The following KIAA0232 variants were observed in gnomAD, a reference collection of about 807,000 sequenced individuals.
KIAA0232 encodes the protein uncharacterized protein KIAA0232.
A neutral mutation model predicts 122.0 loss-of-function variants in KIAA0232; 27 were observed. That is an observed-to-expected ratio of 0.22 (90% confidence interval 0.16 to 0.31). The LOEUF (loss-of-function observed/expected upper bound fraction) is 0.31. Among genes scored for constraint, KIAA0232 ranks in the 10% least tolerant of loss-of-function variants. The pLI, the probability that KIAA0232 is intolerant of heterozygous loss-of-function variation, is 1.00. For synonymous variants in KIAA0232, 613 were observed against 587.6 expected, an observed-to-expected ratio of 1.04 and a Z score of -0.63; for missense variants, 1,551 against 1,634.2, an observed-to-expected ratio of 0.95 and a Z score of 0.88.
chr4:6,862,829 A>C lies in KIAA0232; in HGVS notation c.2447A>C (p.His816Pro), dbSNP rs200779052. The change falls in exon 7 of 10, where the codon CAT (histidine) becomes CCT (proline). Residue 816 changes from histidine to proline, a missense_variant. Around this residue, in one of 5 missense-constraint regions of KIAA0232, gnomAD observed 1,108 missense variants for 1,154.8 expected, o/e 0.96. Coordinates refer to ENST00000307659, the MANE Select transcript of KIAA0232 (RefSeq NM_014743.3). ...ACACAAGTATGTAATGAAAGTCCAC[A>C]TGGAGATGGCTACAGCTCAGGGGTT... ...ETTQVCNESPHGDGYSSGVIK... is the reference protein window; with the variant it reads ...ETTQVCNESPPGDGYSSGVIK... 5.5e-4 allele frequency: 892 copies of C among 1,614,094 alleles called. No individual in the cohort carries two copies. The highest frequency in any genetic ancestry group is 7.1e-4 in the Non-Finnish European group (838 of 1,180,050).
intron 4 of KIAA0232, among the ~76,000 whole-genome samples, chr4:6,851,141 C>T (rs910379400): frequency 2.0e-5 from 3 of 152,188 alleles, no homozygotes; most frequent in Non-Finnish European, 4.4e-5. Context: ...TATACTTAAA[C>T]TTTTCTTATA....
intron 7 of KIAA0232, among the ~76,000 whole-genome samples, chr4:6,867,712 G>A (rs1304944546): frequency 6.6e-6 from 1 of 152,190 alleles, no homozygotes; most frequent in Non-Finnish European, 1.5e-5. Context: ...GGTCATGCTG[G>A]TGATGTGCCA....
intron 2 of KIAA0232, among the ~76,000 whole-genome samples, chr4:6,806,684 A>G (rs1474964847): frequency 3.3e-5 from 5 of 149,498 alleles, no homozygotes; most frequent in African/African-American, 1.2e-4. Context: ...CAGTGAGCCA[A>G]GATCATGCCA....
chr4:6,820,901 A>C (rs1718392649), intron 2 of KIAA0232, among the ~76,000 whole-genome samples: 1 of 152,188 alleles, frequency 6.6e-6, no homozygotes. Context: ...GCCTGTAGTG[A>C]GGGTCATGCC....
intron 3 of KIAA0232, among the ~76,000 whole-genome samples, chr4:6,837,257 C>T (rs1719355845): frequency 6.6e-6 from 1 of 151,374 alleles, no homozygotes; most frequent in African/African-American, 2.4e-5. Context: ...CACAGACGCT[C>T]CTCACCTCCC....
At chr4:6,879,812 C>CAGGTCTGCAGTGTCCCCTCA (rs1491097861) in intron 9 of KIAA0232, among the ~76,000 whole-genome samples, 1 of 108,410 alleles carries the variant, frequency 9.2e-6, no homozygotes, top group Non-Finnish European at 2.0e-5. Flanking sequence ...TCCCAACACA[C>CAGGTCTGCAGTGTCCCCTCA]CCATCTGCAG....
At chr4:6,814,867 A>G (rs981542958) in intron 2 of KIAA0232, among the ~76,000 whole-genome samples, 4 of 152,178 alleles carry the variant, frequency 2.6e-5, no homozygotes, top group African/African-American at 7.2e-5. Flanking sequence ...TTGTTTTTAC[A>G]TTTTTAATAG....
At position 6,862,216 on chromosome 4, in the gene KIAA0232, G is replaced by T. The variant is rs780286719; in HGVS notation, c.1834G>T (p.Val612Phe). ...DGESFGGDSP[V>F]RLSPILDSTV... The stretch of plus-strand genomic sequence containing the variant: ...GGAGAGTTTTGGAGGAGACTCTCCA[G>T]TTAGACTCTCTCCCATCTTAGACAG... The change falls in exon 7 of 10, where the codon GTT becomes TTT. Residue 612 changes from valine (V) to phenylalanine (F), a missense_variant. Around this residue, in one of 5 missense-constraint regions of KIAA0232, gnomAD observed 1,108 missense variants for 1,154.8 expected, o/e 0.96. Coordinates refer to ENST00000307659, the MANE Select transcript of KIAA0232 (RefSeq NM_014743.3). 3 of 1,614,156 alleles carry T rather than the reference G, an allele frequency of 1.9e-6. No homozygotes were observed. In the South Asian group the frequency reaches 3.3e-5, roughly 18 times the overall value.
At position 6,789,599 on chromosome 4, in the gene KIAA0232, C is replaced by T. The variant is rs141876320; in HGVS notation, c.-354+6758C>T. Among the ~76,000 whole-genome samples the T allele has an allele frequency of 7.2e-3, 1,100 of 152,214 alleles. 11 individuals are homozygous for T. The highest frequency in any genetic ancestry group is 0.024 in the African/African-American group (1,001 of 41,530). On this transcript the variant is annotated intron_variant, in intron 1 of 9. Coordinates refer to ENST00000307659, the MANE Select transcript of KIAA0232 (RefSeq NM_014743.3). ...TCATCTCATTTTCAACTTGCATCTACGTTCTTTCATTAATTTTGTGACTGA... is the reference window on the plus strand; with the variant it reads ...TCATCTCATTTTCAACTTGCATCTATGTTCTTTCATTAATTTTGTGACTGA...
At chr4:6,808,346 T>C (rs1002932891) in intron 2 of KIAA0232, among the ~76,000 whole-genome samples, 4 of 151,418 alleles carry the variant, frequency 2.6e-5, no homozygotes, top group African/African-American at 9.7e-5. Flanking sequence ...TGAATAATTA[T>C]GAAAAGACAG....
intron 2 of KIAA0232, among the ~76,000 whole-genome samples, chr4:6,812,743 C>T (rs964743913): frequency 2.0e-5 from 3 of 151,922 alleles, no homozygotes; most frequent in African/African-American, 7.2e-5. Context: ...GATTTTTCTC[C>T]ACAAGGTCCA....
Position 6,862,506 on chromosome 4 carries a change from A to G in KIAA0232, c.2124A>G (p.Thr708=), listed in dbSNP as rs1259672754. ...EENEHCSNLS[T]RTCSPWSHSE... Reference sequence around the variant, plus strand: ...ATGAACACTGTTCTAATCTTTCAACAAGAACTTGTAGTCCATGGTCCCATT... The same window carrying G: ...ATGAACACTGTTCTAATCTTTCAACGAGAACTTGTAGTCCATGGTCCCATT... Residue 708 remains threonine (T), a synonymous_variant, in exon 7 of 10, where the codon ACA becomes ACG. Coordinates refer to ENST00000307659, the MANE Select transcript of KIAA0232 (RefSeq NM_014743.3). The G allele has an allele frequency of 6.2e-7, 1 of 1,613,826 alleles. No individual in the cohort carries two copies. Among genetic ancestry groups the G allele is most frequent in the African/African-American group, 1.3e-5 (1 of 74,942 alleles).
At chr4:6,800,659 C>A (rs555671524) in intron 1 of KIAA0232, among the ~76,000 whole-genome samples, 8 of 149,796 alleles carry the variant, frequency 5.3e-5, no homozygotes, top group African/African-American at 1.7e-4. Flanking sequence ...GCAGCCTGGG[C>A]GACAGAGGGA....
chr4:6,850,837 T>C (rs1438835602), intron 4 of KIAA0232, among the ~76,000 whole-genome samples: 2 of 152,134 alleles, frequency 1.3e-5, no homozygotes, highest in African/African-American at 4.8e-5. Context: ...GCCCAGCTAA[T>C]TTTTGTATTC....
intron 2 of KIAA0232, among the ~76,000 whole-genome samples, chr4:6,814,655 T>A (rs1301338321): frequency 4.6e-5 from 7 of 152,102 alleles, no homozygotes; most frequent in African/African-American, 1.7e-4. Flanking sequence ...CAGTATACAT[T>A]ATTCTGTTTT....
Position 6,862,295 on chromosome 4 carries a change from T to C in KIAA0232, c.1913T>C (p.Ile638Thr), listed in dbSNP as rs187923587. Residue 638 changes from isoleucine (I) to threonine (T), a missense_variant, in exon 7 of 10, where the codon ATT becomes ACT. Ile to Thr is a moderately conservative substitution (Grantham distance 89). Transcript: ENST00000307659. ...GGCAATCAAGAGCTCTTTTCAGATA[T>C]TAATGAAGGATCTGGTATAAACTCT... ...LAGNQELFSD[I>T]NEGSGINSCF... The C allele has an allele frequency of 1.5e-4, 241 of 1,614,142 alleles. 1 individual carries two copies. Among genetic ancestry groups the C allele is most frequent in the Admixed American group, 8.8e-4 (53 of 60,020 alleles).
chr4:6,874,547 C>T (rs941038250), intron 8 of KIAA0232, among the ~76,000 whole-genome samples: 3 of 152,174 alleles, frequency 2.0e-5, no homozygotes, highest in African/African-American at 7.2e-5. Context: ...TCAGTGCTTT[C>T]AAGACTCGAG....
intron 3 of KIAA0232, among the ~76,000 whole-genome samples, chr4:6,826,395 G>A (rs565559892): frequency 3.3e-5 from 5 of 152,132 alleles, no homozygotes; most frequent in East Asian, 3.9e-4. Flanking sequence ...CAAGTAAGAC[G>A]TTAAATCTAC....
intron 1 of KIAA0232, among the ~76,000 whole-genome samples, chr4:6,803,674 A>G (rs1717488338): frequency 6.6e-6 from 1 of 152,272 alleles, no homozygotes; most frequent in African/African-American, 2.4e-5. Flanking sequence ...TTTATAAAAA[A>G]GGAATAACCA....
Sources: allele counts gnomAD v4.1 joint callset (sites outside exome capture counted in the v4.1 genomes callset), GRCh38; gene constraint gnomAD v4.1.1; regional missense constraint gnomAD v4.1.1; transcripts MANE v1.5; gene names NCBI Gene and HGNC (gene_info 2026-07-23, HGNC 2026-07-21).